The following ACOT11 variants were observed in gnomAD, a reference collection of about 807,000 sequenced individuals.
ACOT11 encodes the protein acyl-CoA thioesterase 11.
In ACOT11, 69 loss-of-function variants were observed where a neutral mutation model predicts 77.5. The ratio of observed to expected loss-of-function variants is 0.89; its 90% confidence interval spans 0.73 to 1.09. The LOEUF (loss-of-function observed/expected upper bound fraction) is 1.09. Among genes scored for constraint, ACOT11 ranks in the 50% least tolerant of loss-of-function variants. The probability of loss-of-function intolerance (pLI) is 0.00; values close to 1 mark genes in which losing one functional copy is unlikely to be tolerated. For synonymous variants in ACOT11, 279 were observed against 313.0 expected, an observed-to-expected ratio of 0.89 and a Z score of 1.15; for missense variants, 766 against 813.7, an observed-to-expected ratio of 0.94 and a Z score of 0.71.
chr1:54,599,181 AATATATATATATATATATAT>A (rs1189803916), intron 7 of ACOT11, 95 bp from the exon 8 acceptor site: 247 of 34,004 alleles, frequency 7.3e-3, no homozygotes, highest in Middle Eastern at 0.026. Flanking sequence ...AAAAAAAAAA[AATATATATATATATATATAT>A]ATATATATAT....
At chr1:54,617,013 AT>A (rs1278511651) in intron 15 of ACOT11, among the ~76,000 whole-genome samples, 1 of 152,156 alleles carries the variant, frequency 6.6e-6, no homozygotes. Context: ...CCACAGGGTC[AT>A]TTTTAAAGCC....
downstream of ACOT11, among the ~76,000 whole-genome samples, chr1:54,615,051 CAG>C (rs1311079076): frequency 6.7e-6 from 1 of 149,758 alleles, no homozygotes; most frequent in East Asian, 2.0e-4. Flanking sequence ...AGAGCTAACT[CAG>C]AGAAGAAGGG....
chr1:54,601,637 C>T (rs1323048817), intron 9 of ACOT11, among the ~76,000 whole-genome samples: 1 of 152,196 alleles, frequency 6.6e-6, no homozygotes, highest in African/African-American at 2.4e-5. Flanking sequence ...ATGTGTGGGT[C>T]TGGCTCGGAG....
intron 16 of ACOT11, among the ~76,000 whole-genome samples, chr1:54,633,147 G>A (rs1225323882): frequency 1.3e-5 from 2 of 152,208 alleles, no homozygotes; most frequent in African/African-American, 4.8e-5. Flanking sequence ...AATTTTTGGT[G>A]GCAGCCATTG....
At chr1:54,600,662 G>A (rs1017977868) in intron 8 of ACOT11, among the ~76,000 whole-genome samples, 12 of 152,138 alleles carry the variant, frequency 7.9e-5, no homozygotes, top group Non-Finnish European at 1.0e-4. Flanking sequence ...CAGCCTGGGC[G>A]ACAGAATGAG....
chr1:54,613,767 A>G (rs1321305870), downstream of ACOT11, among the ~76,000 whole-genome samples: 1 of 152,212 alleles, frequency 6.6e-6, no homozygotes, highest in Non-Finnish European at 1.5e-5. Context: ...ATCTTGGGCC[A>G]TTGATTACAT....
At chr1:54,611,688 GAGC>G, downstream of ACOT11, 1 of 1,614,140 alleles carries the variant, frequency 6.2e-7, no homozygotes, top group South Asian at 1.1e-5. Context: ...CCCGGACGTA[GAGC>G]AGATCTTCCA....
At chr1:54,557,410 GA>G (rs1289489611) in intron 1 of ACOT11, among the ~76,000 whole-genome samples, 1 of 134,596 alleles carries the variant, frequency 7.4e-6, no homozygotes. Context: ...AAAAAAAAAA[GA>G]AAAAAATTAA....
intron 1 of ACOT11, among the ~76,000 whole-genome samples, chr1:54,551,732 G>GT (rs548318091): frequency 2.6e-4 from 39 of 149,810 alleles, no homozygotes; most frequent in African/African-American, 4.3e-4. Context: ...TTTTTGTTTT[G>GT]TTTTGTTTTT....
intron 15 of ACOT11, chr1:54,616,072 A>G (rs773090202): frequency 6.2e-7 from 1 of 1,614,010 alleles, no homozygotes; most frequent in African/African-American, 1.3e-5. Flanking sequence ...GTGTGTTGTC[A>G]CTGTAGATAG....
Position 54,610,301 on chromosome 1 carries a change from G to T in ACOT11, c.*1189G>T, listed in dbSNP as rs1460495566. Reference sequence around the variant, plus strand: ...TGCCCCACCTTGCATCCAGGGTATGGTGTAAATAAACCTGTGTTGCCATGG... The same window carrying T: ...TGCCCCACCTTGCATCCAGGGTATGTTGTAAATAAACCTGTGTTGCCATGG... On this transcript the variant is annotated 3_prime_UTR_variant, in exon 16 of 16. Coordinates refer to ENST00000343744, the MANE Select transcript of ACOT11 (RefSeq NM_147161.4). 6 of 1,534,340 alleles carry T rather than the reference G, an allele frequency of 3.9e-6. No individual in the cohort carries two copies. The East Asian group carries it at 1.4e-4, about 35-fold the overall frequency.
At chr1:54,560,498 A>C (rs1303127619) in intron 1 of ACOT11, among the ~76,000 whole-genome samples, 1 of 152,196 alleles carries the variant, frequency 6.6e-6, no homozygotes, top group Non-Finnish European at 1.5e-5. Flanking sequence ...TATATTAACT[A>C]ATTAATATCA....
chr1:54,603,131 G>A (rs1035866281), intron 10 of ACOT11, among the ~76,000 whole-genome samples: 3 of 152,256 alleles, frequency 2.0e-5, no homozygotes, highest in African/African-American at 7.2e-5. Context: ...GAGTTCAGGA[G>A]TTTGAGACTA....
intron 1 of ACOT11, among the ~76,000 whole-genome samples, chr1:54,561,303 T>C (rs1389262031): frequency 1.0e-5 from 1 of 95,912 alleles, no homozygotes; most frequent in Non-Finnish European, 2.0e-5. Context: ...TGGTGATGAC[T>C]CTTAACGAGC....
intron 1 of ACOT11, among the ~76,000 whole-genome samples, chr1:54,572,717 G>T (rs1300185102): frequency 6.6e-6 from 1 of 152,214 alleles, no homozygotes; most frequent in Non-Finnish European, 1.5e-5. Context: ...GAAGCCACAG[G>T]GAGGCAGCTA....
chr1:54,619,305 C>T (rs1051004827), intron 15 of ACOT11, among the ~76,000 whole-genome samples: 17 of 152,324 alleles, frequency 1.1e-4, no homozygotes, highest in Middle Eastern at 3.4e-3. Flanking sequence ...TCAAGCGTCA[C>T]GCAGTGGCTT....
chr1:54,594,114 G>A (rs534385771), intron 5 of ACOT11, 75 bp downstream of exon 5: 3 of 1,407,718 alleles, frequency 2.1e-6, no homozygotes, highest in African/African-American at 1.4e-5. Flanking sequence ...TGGCTCAGGG[G>A]AATGAGGTTA....
chr1:54,589,769 G>A (rs576746730), intron 3 of ACOT11, among the ~76,000 whole-genome samples: 2 of 152,036 alleles, frequency 1.3e-5, no homozygotes, highest in Non-Finnish European at 2.9e-5. Flanking sequence ...TAACAAGCAT[G>A]AGCCACCACA....
At position 54,594,695 on chromosome 1, in the gene ACOT11, A is replaced by G; in HGVS notation, c.607+4A>G. ...GCCAACTGCGCCATTCAGGGCGGTGAGCAGCTGCCAGCTGTGCATGGGGAG... is the reference window on the plus strand; with the variant it reads ...GCCAACTGCGCCATTCAGGGCGGTGGGCAGCTGCCAGCTGTGCATGGGGAG... On this transcript the variant is annotated splice_donor_region_variant and intron_variant, in intron 6 of 15. Coordinates refer to ENST00000343744, the MANE Select transcript of ACOT11 (RefSeq NM_147161.4). The G allele has an allele frequency of 6.2e-7, 1 of 1,607,064 alleles. No homozygotes were observed. The highest frequency in any genetic ancestry group is 8.5e-7 in the Non-Finnish European group (1 of 1,175,192).
Sources: allele counts gnomAD v4.1 joint callset (sites outside exome capture counted in the v4.1 genomes callset), GRCh38; gene constraint gnomAD v4.1.1; transcripts MANE v1.5; gene names NCBI Gene and HGNC (gene_info 2026-07-23, HGNC 2026-07-21).